The following CDH13 variants were observed in gnomAD, a reference collection of about 807,000 sequenced individuals.
CDH13 encodes cadherin 13, also known as cadherin-13.
A neutral mutation model predicts 63.8 loss-of-function variants in CDH13; 24 were observed. The observed-to-expected ratio is 0.38, with a 90% confidence interval of 0.27 to 0.53. CDH13 has a LOEUF of 0.53. CDH13 is among the 20% of genes least tolerant of loss of function. The pLI, the probability that CDH13 is intolerant of heterozygous loss-of-function variation, is 0.85. For missense variants in CDH13, 1,049 were observed against 903.1 expected, an observed-to-expected ratio of 1.16 and a Z score of -2.07; for synonymous variants, 503 against 355.3, an observed-to-expected ratio of 1.42 and a Z score of -4.67.
At chr16:83,208,247 A>T (rs1441114693) in intron 4 of CDH13, among the ~76,000 whole-genome samples, 1 of 152,164 alleles carries the variant, frequency 6.6e-6, no homozygotes, top group Non-Finnish European at 1.5e-5. Context: ...TCCCTGGCTA[A>T]TTTATGACCT....
intron 5 of CDH13, among the ~76,000 whole-genome samples, chr16:83,256,489 A>G (rs1292935910): frequency 6.6e-6 from 1 of 152,048 alleles, no homozygotes; most frequent in African/African-American, 2.4e-5. Context: ...ATTAAAAGAA[A>G]AAATTTCCTA....
At chr16:83,327,938 C>T (rs930859627) in intron 5 of CDH13, among the ~76,000 whole-genome samples, 5 of 152,076 alleles carry the variant, frequency 3.3e-5, no homozygotes, top group African/African-American at 1.2e-4. Flanking sequence ...CGAGACCATC[C>T]TGGCTAATAC....
intron 1 of CDH13, among the ~76,000 whole-genome samples, chr16:82,706,062 A>C (rs2031464019): frequency 6.7e-6 from 1 of 148,956 alleles, no homozygotes; most frequent in African/African-American, 2.5e-5. Flanking sequence ...CTTCTTCCTT[A>C]TTCTCTCTCT....
At chr16:83,020,742 A>G (rs1915270583) in intron 2 of CDH13, among the ~76,000 whole-genome samples, 1 of 152,212 alleles carries the variant, frequency 6.6e-6, no homozygotes, top group South Asian at 2.1e-4. Context: ...CTCATGCAGA[A>G]GTAGTCCTCC....
chr16:83,183,336 G>C (rs1172001105), intron 4 of CDH13, among the ~76,000 whole-genome samples: 1 of 152,186 alleles, frequency 6.6e-6, no homozygotes, highest in Non-Finnish European at 1.5e-5. Context: ...TCTAGATAAA[G>C]TTTCAAAATG....
At chr16:83,683,562 G>A (rs893123506) in intron 10 of CDH13, among the ~76,000 whole-genome samples, 8 of 152,164 alleles carry the variant, frequency 5.3e-5, no homozygotes, top group Admixed American at 2.6e-4. Context: ...ATTTTTCGTC[G>A]CTGAATAGTG....
intron 13 of CDH13, among the ~76,000 whole-genome samples, chr16:83,789,039 G>A (rs1454004785): frequency 6.6e-6 from 1 of 152,208 alleles, no homozygotes; most frequent in East Asian, 1.9e-4. Flanking sequence ...TGTTAGAGAT[G>A]CCTGCCAAAT....
At chr16:82,721,792 T>G (rs934488946) in intron 1 of CDH13, among the ~76,000 whole-genome samples, 12 of 152,156 alleles carry the variant, frequency 7.9e-5, no homozygotes, top group African/African-American at 2.7e-4. Flanking sequence ...GAGCTAAGTT[T>G]TGGGGTCAGT....
chr16:82,820,596 C>T (rs189188452), intron 1 of CDH13, among the ~76,000 whole-genome samples: 2 of 152,238 alleles, frequency 1.3e-5, no homozygotes, highest in East Asian at 1.9e-4. Flanking sequence ...CATTTATTCA[C>T]GGAACACATT....
intron 1 of CDH13, among the ~76,000 whole-genome samples, chr16:82,762,834 G>A (rs186304715): frequency 5.2e-4 from 79 of 152,270 alleles, no homozygotes; most frequent in South Asian, 1.9e-3. Flanking sequence ...TCATGCTTGG[G>A]GATGCCAGGG....
At chr16:82,850,233 T>C (rs1597795996) in intron 1 of CDH13, among the ~76,000 whole-genome samples, 1 of 141,900 alleles carries the variant, frequency 7.0e-6, no homozygotes, top group Non-Finnish European at 1.6e-5. Context: ...TCATGGGGGG[T>C]GGTTAAAATG....
At position 83,111,518 on chromosome 16, in the gene CDH13, A is replaced by G. The variant is rs145136254; in HGVS notation, c.367-13867A>G. On this transcript the variant is annotated intron_variant, in intron 3 of 13. Coordinates refer to ENST00000567109, the MANE Select transcript of CDH13 (RefSeq NM_001257.5). ...AGTCGATCATGAGGTTGCAGCATAC[A>G]TCACATGGGAGAGAGTTGCTGACTC... Among the ~76,000 whole-genome samples the G allele has an allele frequency of 1.2e-3, 184 of 152,370 alleles. 3 individuals are homozygous for G. The Middle Eastern group carries it at 0.054, about 45-fold the overall frequency.
chr16:83,379,113 A>G (rs905338094), intron 6 of CDH13, among the ~76,000 whole-genome samples: 4 of 152,130 alleles, frequency 2.6e-5, no homozygotes, highest in Admixed American at 6.5e-5. Context: ...GAAGAATACA[A>G]TGTCTTTTGT....
chr16:83,028,790 G>T (rs1426515983), intron 2 of CDH13, among the ~76,000 whole-genome samples: 1 of 152,192 alleles, frequency 6.6e-6, no homozygotes, highest in African/African-American at 2.4e-5. Context: ...TTTCAGACCT[G>T]TGTTGACCAT....
intron 2 of CDH13, among the ~76,000 whole-genome samples, chr16:82,913,800 G>T (rs1282582988): frequency 2.0e-5 from 3 of 151,928 alleles, no homozygotes; most frequent in East Asian, 1.9e-4. Flanking sequence ...AGGAGTGGGG[G>T]ATTGAGACAG....
At chr16:82,687,072 A>C (rs942261147) in intron 1 of CDH13, among the ~76,000 whole-genome samples, 1 of 152,152 alleles carries the variant, frequency 6.6e-6, no homozygotes, top group African/African-American at 2.4e-5. Context: ...ATGGGCAGAG[A>C]GGGGAATGGA....
chr16:83,693,281 A>G (rs1905076643), intron 10 of CDH13, among the ~76,000 whole-genome samples: 1 of 152,160 alleles, frequency 6.6e-6, no homozygotes, highest in East Asian at 1.9e-4. Context: ...AGTCACTGTG[A>G]TGGATACAGA....
chr16:83,572,521 ACTGTCAGTGTC>A (rs1904735181), intron 7 of CDH13, among the ~76,000 whole-genome samples: 1 of 152,076 alleles, frequency 6.6e-6, no homozygotes, highest in African/African-American at 2.4e-5. Flanking sequence ...GGATGGATAT[ACTGTCAGTGTC>A]AGGTTCGCCT....
intron 4 of CDH13, among the ~76,000 whole-genome samples, chr16:83,215,975 C>T (rs1268837533): frequency 6.6e-6 from 1 of 151,560 alleles, no homozygotes; most frequent in Non-Finnish European, 1.5e-5. Context: ...TGCACATCTA[C>T]ATAAAAAGAC....
Sources: gnomAD v4.1 joint callset for allele counts (sites outside exome capture counted in the v4.1 genomes callset) on GRCh38, gnomAD v4.1.1 for gene constraint, MANE v1.5 for transcripts, NCBI Gene and HGNC (gene_info 2026-07-23, HGNC 2026-07-21) for gene names.